MYOM1: variants seen among roughly 807,000 people sequenced by gnomAD.
MYOM1 encodes myomesin-1.
In MYOM1, 164 loss-of-function variants were observed where a neutral mutation model predicts 205.3. That is an observed-to-expected ratio of 0.80 (90% CI 0.70 to 0.91). The LOEUF (loss-of-function observed/expected upper bound fraction) is 0.91, where lower values mean the gene tolerates loss of function less well. Ranked by LOEUF, MYOM1 falls within the 40% of genes least tolerant of loss-of-function variation. The pLI, the probability that MYOM1 is intolerant of heterozygous loss-of-function variation, is 0.00. For synonymous variants in MYOM1, 772 were observed against 789.4 expected (o/e 0.98, Z 0.37); for missense variants, 2,011 against 2,127.3 (o/e 0.95, Z 1.08).
intron 23 of MYOM1, among the ~76,000 whole-genome samples, chr18:3,100,948 T>C (rs1268007210): frequency 6.6e-6 from 1 of 152,228 alleles, no homozygotes; most frequent in Non-Finnish European, 1.5e-5. Context: ...CTGTACCTTG[T>C]CTGGCACATA....
intron 13 of MYOM1, among the ~76,000 whole-genome samples, chr18:3,147,546 C>G (rs1363707784): frequency 6.6e-6 from 1 of 151,674 alleles, no homozygotes; most frequent in East Asian, 1.9e-4. Context: ...AAACCCAACA[C>G]AAGATTAGAA....
intron 5 of MYOM1, among the ~76,000 whole-genome samples, chr18:3,180,140 G>GA (rs1171189460): frequency 6.6e-6 from 1 of 152,048 alleles, no homozygotes; most frequent in Non-Finnish European, 1.5e-5. Context: ...TGTAAAAAAT[G>GA]AATTTTTAAA....
the MYOM1 span, among the ~76,000 whole-genome samples, chr18:3,228,302 C>T: frequency 6.6e-6 from 1 of 152,180 alleles, no homozygotes; most frequent in African/African-American, 2.4e-5. This position sits in a 1 kb window ranked among gnomAD's most constrained non-coding sequence, Gnocchi z 4.5. Flanking sequence ...ATTCTTGTTA[C>T]ACTGGATAGT....
intron 10 of MYOM1, among the ~76,000 whole-genome samples, chr18:3,162,076 A>T (rs1002953775): frequency 3.3e-5 from 5 of 152,180 alleles, no homozygotes; most frequent in Non-Finnish European, 7.3e-5. Context: ...GACTCTATTT[A>T]GTGTAAGAGA....
intron 21 of MYOM1, among the ~76,000 whole-genome samples, chr18:3,115,682 T>C (rs558464337): frequency 9.2e-5 from 14 of 152,262 alleles, no homozygotes; most frequent in Admixed American, 8.5e-4. Flanking sequence ...TAGCGGAAAA[T>C]ATTCTTTCGA....
chr18:3,136,940 TTTTC>T (rs2079975354), intron 14 of MYOM1, among the ~76,000 whole-genome samples: 3 of 152,086 alleles, frequency 2.0e-5, no homozygotes, highest in South Asian at 4.1e-4. Context: ...ACAGTATTTT[TTTTC>T]TTTCTTTTTT....
chr18:3,080,230 C>T (rs896736001), intron 33 of MYOM1, among the ~76,000 whole-genome samples: 8 of 151,842 alleles, frequency 5.3e-5, no homozygotes, highest in East Asian at 1.9e-4. Context: ...GCAGGAAGTA[C>T]CCTAAAATGT....
intron 19 of MYOM1, 106 bp from the exon 20 acceptor site, chr18:3,120,101 G>C (rs1401117839): frequency 7.0e-7 from 1 of 1,427,436 alleles, no homozygotes; most frequent in Non-Finnish European, 9.2e-7. Context: ...ACACACCCTA[G>C]GGTGACCCTC....
intron 12 of MYOM1, among the ~76,000 whole-genome samples, chr18:3,149,768 C>T (rs1453290928): frequency 1.3e-5 from 2 of 152,130 alleles, no homozygotes; most frequent in Non-Finnish European, 2.9e-5. Context: ...AGAGGAAATT[C>T]ACTTGTATGA....
At chr18:3,159,936 T>TC in intron 10 of MYOM1, among the ~76,000 whole-genome samples, 1 of 129,370 alleles carries the variant, frequency 7.7e-6, no homozygotes, top group African/African-American at 3.0e-5. Flanking sequence ...CTTCCTTCCT[T>TC]CTCTCCTTCC....
intron 2 of MYOM1, among the ~76,000 whole-genome samples, chr18:3,200,504 G>A (rs2081051636): frequency 6.6e-6 from 1 of 152,096 alleles, no homozygotes; most frequent in Non-Finnish European, 1.5e-5. Flanking sequence ...TATTACAACA[G>A]TGACTCAACA....
At chr18:3,173,768 C>A (rs2080594153) in intron 8 of MYOM1, among the ~76,000 whole-genome samples, 170 bp downstream of exon 8, 1 of 151,838 alleles carries the variant, frequency 6.6e-6, no homozygotes, top group Non-Finnish European at 1.5e-5. Flanking sequence ...AGAACAGTAA[C>A]CAAAAAATCT....
chr18:3,112,215 T>C lies in MYOM1; in HGVS notation c.3418+83A>G, dbSNP rs2079537082. 3 of 1,089,144 alleles carry C rather than the reference T, an allele frequency of 2.8e-6. No homozygotes were observed. The East Asian group carries it at 7.6e-5, about 27-fold the overall frequency. The allele number at this position is 1,089,144 out of a possible 1,614,324, so 67.5% of individuals were successfully genotyped here. A position where few individuals can be genotyped will look rare whatever the true frequency, so the allele number is the denominator to read the frequency against. The stretch of plus-strand genomic sequence containing the variant: ...AGCACACATTGATTGTTTTGAAAAT[T>C]AGAGGAAAGCACAGAAAGGCCGAAC... On this transcript the variant is annotated intron_variant, in intron 22 of 37. Transcript: ENST00000356443.
intron 23 of MYOM1, among the ~76,000 whole-genome samples, chr18:3,102,137 G>T (rs2079386942): frequency 6.6e-6 from 1 of 151,550 alleles, no homozygotes; most frequent in African/African-American, 2.4e-5. Context: ...GAGTAGCTGG[G>T]ACTACAGGCA....
chr18:3,125,990 C>T (rs531202422), intron 19 of MYOM1, among the ~76,000 whole-genome samples: 3 of 151,580 alleles, frequency 2.0e-5, no homozygotes, highest in East Asian at 2.0e-4. Flanking sequence ...AAAACCCAGC[C>T]GGCCGCGGTG....
At chr18:3,165,955 A>C (rs1175198844) in intron 9 of MYOM1, among the ~76,000 whole-genome samples, 2 of 152,174 alleles carry the variant, frequency 1.3e-5, no homozygotes, top group African/African-American at 2.4e-5. Flanking sequence ...ACTGAAGACC[A>C]CACCTGCAGC....
rs1343185821 is a variant in MYOM1 at position 3,094,096 on chromosome 18, T to C, written c.3864+74A>G. 15 of 1,506,096 alleles carry C rather than the reference T, an allele frequency of 1.0e-5. No individual in the cohort carries two copies. In the Middle Eastern group the frequency reaches 5.2e-4, roughly 52 times the overall value. The allele number at this position is 1,506,096 out of a possible 1,614,324, so 93.3% of individuals were successfully genotyped here. ...ACCCAGCGGTTTTTATAACAACATA[T>C]CCACATCCACATAAGGCTTCCTCAG... On this transcript the variant is annotated intron_variant, in intron 26 of 37. Coordinates refer to ENST00000356443, the MANE Select transcript of MYOM1 (RefSeq NM_003803.4).
At chr18:3,160,114 T>TCTTCTC (rs1173341304) in intron 10 of MYOM1, among the ~76,000 whole-genome samples, 1 of 147,910 alleles carries the variant, frequency 6.8e-6, no homozygotes, top group African/African-American at 2.5e-5. Context: ...TTCTTCTTCT[T>TCTTCTC]CTCTTCCTCC....
the MYOM1 span, among the ~76,000 whole-genome samples, chr18:3,231,022 T>C: frequency 2.0e-5 from 3 of 152,156 alleles, no homozygotes; most frequent in African/African-American, 7.2e-5. Context: ...ACCATTATCT[T>C]TGCTAGACAG....
Sources: allele counts gnomAD v4.1 joint callset (sites outside exome capture counted in the v4.1 genomes callset), GRCh38; gene constraint gnomAD v4.1.1; non-coding constraint Gnocchi (gnomAD v3.1); transcripts MANE v1.5; gene names NCBI Gene and HGNC (gene_info 2026-07-23, HGNC 2026-07-21).